The following KLF8 variants were observed in gnomAD, a reference collection of about 807,000 sequenced individuals.
The protein encoded by KLF8 is KLF transcription factor 8, also known as Krueppel-like factor 8.
In KLF8, 10 loss-of-function variants were observed where a neutral mutation model predicts 18.2. That is an observed-to-expected ratio of 0.55 (90% CI 0.34 to 0.93). The LOEUF (loss-of-function observed/expected upper bound fraction) is 0.93, where lower values mean the gene tolerates loss of function less well. Among genes scored for constraint, KLF8 ranks in the 40% least tolerant of loss-of-function variants. The pLI, the probability that KLF8 is intolerant of heterozygous loss-of-function variation, is 0.02. For missense variants in KLF8, 264 were observed against 277.9 expected (o/e 0.95, Z 0.36); for synonymous variants, 109 against 97.3 (o/e 1.12, Z -0.71).
At chrX:56,087,619 G>GT in the KLF8 span, among the ~76,000 whole-genome samples, 5 of 111,068 alleles carry the variant, frequency 4.5e-5, no homozygotes, top group African/African-American at 6.5e-5. Context: ...CCAGTATCAG[G>GT]TTTTTTATAG....
At chrX:56,015,817 G>A in the KLF8 span, among the ~76,000 whole-genome samples, 4 of 111,683 alleles carry the variant, frequency 3.6e-5, no homozygotes. Context: ...GACCCCACAG[G>A]ATTTTGTTTG....
chrX:56,190,036 A>T, the KLF8 span, among the ~76,000 whole-genome samples: 1 of 110,295 alleles, frequency 9.1e-6, no homozygotes, highest in Non-Finnish European at 1.9e-5. Context: ...TAAAATTAAA[A>T]AAATAAAAAA....
At chrX:56,220,660 T>C in the KLF8 span, among the ~76,000 whole-genome samples, 6 of 110,788 alleles carry the variant, frequency 5.4e-5, no homozygotes, top group African/African-American at 2.0e-4. Context: ...TAATTCTGTT[T>C]GTATTTTTAG....
chrX:56,162,768 C>T, the KLF8 span, among the ~76,000 whole-genome samples: 8 of 111,101 alleles, frequency 7.2e-5, no homozygotes, highest in Admixed American at 1.9e-4. Flanking sequence ...TATGCTGCAT[C>T]CACTGTCCTG....
chrX:56,150,040 AG>A, the KLF8 span, among the ~76,000 whole-genome samples: 2 of 112,243 alleles, frequency 1.8e-5, no homozygotes, highest in African/African-American at 6.5e-5. Context: ...AATGTTGGGC[AG>A]GAGGTCCACT....
At chrX:56,038,526 T>A in the KLF8 span, among the ~76,000 whole-genome samples, 8 of 112,469 alleles carry the variant, frequency 7.1e-5, no homozygotes, top group Admixed American at 1.9e-4. Flanking sequence ...ACTCCATACA[T>A]GTCCCTACAA....
At chrX:55,997,682 C>A in the KLF8 span, among the ~76,000 whole-genome samples, 1 of 111,565 alleles carries the variant, frequency 9.0e-6, no homozygotes, top group African/African-American at 3.3e-5. Context: ...AGAAGCTCTT[C>A]TTGGCTGCAT....
the KLF8 span, among the ~76,000 whole-genome samples, chrX:56,004,464 G>T: frequency 8.9e-6 from 1 of 111,751 alleles, no homozygotes; most frequent in African/African-American, 3.3e-5. Context: ...AATGACAGGT[G>T]CTTTTAGTAC....
the KLF8 span, among the ~76,000 whole-genome samples, chrX:56,132,540 A>G: frequency 1.8e-5 from 2 of 111,625 alleles, no homozygotes; most frequent in Non-Finnish European, 1.9e-5. Flanking sequence ...AATCTGAAAG[A>G]GCACAAATGG....
the KLF8 span, among the ~76,000 whole-genome samples, chrX:56,181,121 A>G: frequency 9.0e-6 from 1 of 111,127 alleles, no homozygotes; most frequent in East Asian, 2.8e-4. Flanking sequence ...GTCTCTAAGG[A>G]CTTTCTTCAT....
the KLF8 span, chrX:55,962,454 C>A: frequency 4.3e-6 from 1 of 234,437 alleles, no homozygotes; most frequent in Non-Finnish European, 8.0e-6. Flanking sequence ...GGCTACCTTG[C>A]CCATGCCTTT....
At chrX:56,021,203 A>G in the KLF8 span, among the ~76,000 whole-genome samples, 3 of 112,208 alleles carry the variant, frequency 2.7e-5, no homozygotes, top group East Asian at 2.8e-4. Context: ...ACCATATGAT[A>G]TCTATTTATT....
the KLF8 span, among the ~76,000 whole-genome samples, chrX:56,054,877 T>G: frequency 3.6e-5 from 4 of 112,280 alleles, no homozygotes; most frequent in Non-Finnish European, 7.5e-5. Flanking sequence ...GTTTAAAATT[T>G]GTTTTGCCTG....
the KLF8 span, among the ~76,000 whole-genome samples, chrX:56,039,374 G>A: frequency 9.0e-6 from 1 of 111,507 alleles, no homozygotes; most frequent in Non-Finnish European, 1.9e-5. Flanking sequence ...TCCCTCTTGA[G>A]TTAATTTTTG....
intron 5 of KLF8, 60 bp downstream of exon 5, chrX:56,270,381 CGAGAGAGAGAGAG>C (rs1334899093): frequency 6.0e-5 from 47 of 778,095 alleles, no homozygotes; most frequent in African/African-American, 5.6e-5. Context: ...CACACACACA[CGAGAGAGAGAGAG>C]AGAGAGGGGC....
chrX:55,992,613 G>GT, the KLF8 span, among the ~76,000 whole-genome samples: 4 of 112,005 alleles, frequency 3.6e-5, no homozygotes, highest in Non-Finnish European at 5.6e-5. Context: ...TTATAGAATA[G>GT]TTTTTTTCTG....
chrX:56,095,742 C>G, the KLF8 span, among the ~76,000 whole-genome samples: 2 of 110,525 alleles, frequency 1.8e-5, no homozygotes, highest in Non-Finnish European at 3.8e-5. Flanking sequence ...AAGTTAAAAC[C>G]GCAATTAGAT....
chrX:55,934,515 G>A, the KLF8 span, among the ~76,000 whole-genome samples: 1 of 112,242 alleles, frequency 8.9e-6, no homozygotes, highest in African/African-American at 3.2e-5. Flanking sequence ...AGTGTAAGTA[G>A]CACCAGACTT....
chrX:56,210,620 A>C, the KLF8 span, among the ~76,000 whole-genome samples: 3 of 110,848 alleles, frequency 2.7e-5, no homozygotes, highest in Non-Finnish European at 3.8e-5. Context: ...CTTTGAATAA[A>C]CTTTCTACCC....
Sources: gnomAD v4.1 joint callset for allele counts (sites outside exome capture counted in the v4.1 genomes callset) on GRCh38, gnomAD v4.1.1 for gene constraint, MANE v1.5 for transcripts, NCBI Gene and HGNC (gene_info 2026-07-23, HGNC 2026-07-21) for gene names.